The following RBKS variants were observed in gnomAD, a reference collection of about 807,000 sequenced individuals.
RBKS encodes ribokinase.
Under a neutral mutation model 33.9 loss-of-function variants are expected in RBKS, and 33 were observed. The ratio of observed to expected loss-of-function variants is 0.97; its 90% CI spans 0.74 to 1.30. The LOEUF is 1.30. RBKS is among the 50% of genes most tolerant of loss of function. The pLI is 0.00. For missense variants in RBKS, 361 were observed against 392.6 expected (o/e 0.92, Z 0.68); for synonymous variants, 125 against 143.0 (o/e 0.87, Z 0.90).
intron 6 of RBKS, among the ~76,000 whole-genome samples, chr2:27,828,558 C>T (rs1011011724): frequency 9.2e-5 from 14 of 152,180 alleles, no homozygotes; most frequent in East Asian, 3.8e-4. Flanking sequence ...TAGCAGAAAA[C>T]GCAATGCCCT....
chr2:27,883,446 G>T (rs1439002178), intron 1 of RBKS, among the ~76,000 whole-genome samples: 1 of 152,068 alleles, frequency 6.6e-6, no homozygotes, highest in Non-Finnish European at 1.5e-5. Flanking sequence ...TGATCTGCCC[G>T]CCTCGGCCTC....
Position 27,827,282 on chromosome 2 carries a change from C to A in RBKS, c.795+285G>T, listed in dbSNP as rs530304960. ...CAAATCCCTATTTGTTGATGAATGA[C>A]TGGATAAATGAATGAATACAGGTAA... On this transcript the variant is annotated intron_variant, in intron 7 of 7. Transcript: ENST00000302188. Among the ~76,000 whole-genome samples the A allele has an allele frequency of 3.3e-4, 51 of 152,298 alleles. No homozygotes were observed. In the South Asian group the frequency reaches 1.0e-2, roughly 30 times the overall value.
intron 3 of RBKS, among the ~76,000 whole-genome samples, chr2:27,847,460 T>C (rs772691066): frequency 8.5e-5 from 13 of 152,206 alleles, no homozygotes; most frequent in Non-Finnish European, 1.9e-4. Flanking sequence ...AAAGTAAAGG[T>C]CAAATCTATA....
chr2:27,863,410 TTAA>T (rs1664027004), intron 1 of RBKS, among the ~76,000 whole-genome samples: 2 of 152,236 alleles, frequency 1.3e-5, no homozygotes, highest in Non-Finnish European at 2.9e-5. Flanking sequence ...CAAAACAGGT[TTAA>T]TAATACTTGT....
intron 1 of RBKS, among the ~76,000 whole-genome samples, chr2:27,859,836 T>G (rs996290626): frequency 2.6e-5 from 4 of 152,240 alleles, no homozygotes; most frequent in Admixed American, 2.6e-4. Context: ...GTGATCTATC[T>G]GAAGTCAGTA....
chr2:27,848,165 A>G (rs1663660689), intron 2 of RBKS, 68 bp from the exon 3 acceptor site: 2 of 885,864 alleles, frequency 2.3e-6, no homozygotes, highest in Non-Finnish European at 3.6e-6. Flanking sequence ...TAGTTTTTAG[A>G]ATACTTAGCA....
At position 27,810,168 on chromosome 2, in the gene RBKS, C is replaced by T; in HGVS notation, c.795+17399G>A. The T allele has an allele frequency of 8.3e-7, 1 of 1,211,702 alleles. No homozygotes were observed. The highest frequency in any genetic ancestry group is 1.1e-6 in the Non-Finnish European group (1 of 934,106). The allele number at this position is 1,211,702 out of a possible 1,614,324, so 75.1% of individuals were successfully genotyped here. On this transcript the variant is annotated intron_variant, in intron 7 of 7. Transcript: ENST00000302188. The surrounding 1 kb of genome is among the most constrained non-coding windows in gnomAD (Gnocchi z 4.4). Reference sequence around the variant, plus strand: ...CTGGTGCACCTGGTATATTTGTCTACACAACCCAAATTCGTCATATACTGG... The same window carrying T: ...CTGGTGCACCTGGTATATTTGTCTATACAACCCAAATTCGTCATATACTGG...
intron 7 of RBKS, among the ~76,000 whole-genome samples, chr2:27,804,073 A>G (rs1016340579): frequency 6.6e-6 from 1 of 152,196 alleles, no homozygotes; most frequent in African/African-American, 2.4e-5. Context: ...ATGTATTTCA[A>G]ATGACCACTT....
intron 1 of RBKS, among the ~76,000 whole-genome samples, chr2:27,883,191 T>C (rs1343253113): frequency 1.3e-5 from 2 of 151,256 alleles, no homozygotes; most frequent in Non-Finnish European, 2.9e-5. Flanking sequence ...TTTTCCTAAC[T>C]GCAGTATTCT....
At chr2:27,809,867 A>G (rs1677959772) in intron 7 of RBKS, 1 of 1,214,992 alleles carries the variant, frequency 8.2e-7, no homozygotes, top group African/African-American at 1.6e-5. Context: ...CTGCTGATGC[A>G]CAAAATTTTG....
chr2:27,829,652 C>T (rs1485978887), intron 6 of RBKS, among the ~76,000 whole-genome samples: 2 of 152,200 alleles, frequency 1.3e-5, no homozygotes, highest in East Asian at 3.9e-4. Flanking sequence ...CAGGCGTGAG[C>T]CACCACGCCC....
At chr2:27,798,678 ACTT>A (rs142193367) in intron 7 of RBKS, among the ~76,000 whole-genome samples, 2,602 of 151,994 alleles carry the variant, frequency 0.017, 74 homozygotes, top group African/African-American at 0.059. Context: ...CGTGGCATCA[ACTT>A]CTTAACATGG....
At chr2:27,804,127 A>G (rs1216985550) in intron 7 of RBKS, among the ~76,000 whole-genome samples, 1 of 152,176 alleles carries the variant, frequency 6.6e-6, no homozygotes, top group Non-Finnish European at 1.5e-5. Context: ...AAGTTTTGAT[A>G]TTATTTTTGC....
intron 5 of RBKS, among the ~76,000 whole-genome samples, chr2:27,838,212 A>C (rs893852370): frequency 6.6e-6 from 1 of 152,136 alleles, no homozygotes; most frequent in Admixed American, 6.5e-5. Context: ...AACAAACAAA[A>C]ACAAAACAAA....
At position 27,787,382 on chromosome 2, in the gene RBKS, G is replaced by A. The variant is rs145192063; in HGVS notation, c.796-5594C>T. On this transcript the variant is annotated intron_variant, in intron 7 of 7. Transcript: ENST00000302188. Reference sequence around the variant, plus strand: ...AGGGATGTCAAGCCCGCAGTGAGCCGTGATCATGTCACTGCACTCCAGCCT... The same window carrying A: ...AGGGATGTCAAGCCCGCAGTGAGCCATGATCATGTCACTGCACTCCAGCCT... Among the ~76,000 whole-genome samples, 1,243 of 152,170 alleles carry A rather than the reference G, an allele frequency of 8.2e-3. 14 individuals are homozygous for A. The highest frequency in any genetic ancestry group is 0.028 in the African/African-American group (1,173 of 41,518).
At chr2:27,828,147 AAAAAC>A (rs2148202922) in intron 6 of RBKS, among the ~76,000 whole-genome samples, 1 of 152,358 alleles carries the variant, frequency 6.6e-6, no homozygotes, top group South Asian at 2.1e-4. Context: ...ACTTTTCAAC[AAAAAC>A]AAAACTAAAT....
chr2:27,781,882 G>C, intron 7 of RBKS, 94 bp from the exon 8 acceptor site: 2 of 1,149,320 alleles, frequency 1.7e-6, no homozygotes, highest in South Asian at 1.7e-5. Context: ...CTTAATTTTA[G>C]TTTTAGATTT....
intron 7 of RBKS, among the ~76,000 whole-genome samples, chr2:27,826,870 G>T (rs1407880087): frequency 2.0e-5 from 3 of 152,106 alleles, no homozygotes; most frequent in Non-Finnish European, 4.4e-5. Context: ...AAAAATGTCT[G>T]TGTGGAGTCC....
chr2:27,787,729 C>T (rs2148181244), intron 7 of RBKS, among the ~76,000 whole-genome samples: 1 of 152,264 alleles, frequency 6.6e-6, no homozygotes, highest in Middle Eastern at 3.4e-3. Flanking sequence ...ATAGCAGAGC[C>T]AAGGAAACAC....
Sources: gnomAD v4.1 joint callset for allele counts (sites outside exome capture counted in the v4.1 genomes callset) on GRCh38, gnomAD v4.1.1 for gene constraint, Gnocchi (gnomAD v3.1) non-coding constraint, MANE v1.5 for transcripts, NCBI Gene and HGNC (gene_info 2026-07-23, HGNC 2026-07-21) for gene names.